The following PNLIP variants were observed in gnomAD, a reference collection of about 807,000 sequenced individuals.
PNLIP encodes the protein pancreatic lipase.
Under a neutral mutation model 57.1 loss-of-function variants are expected in PNLIP, and 49 were observed. The observed-to-expected ratio is 0.86, with a 90% CI of 0.68 to 1.09. The LOEUF (loss-of-function observed/expected upper bound fraction) is 1.09, where lower values mean the gene tolerates loss of function less well. Among genes scored for constraint, PNLIP ranks in the 50% least tolerant of loss-of-function variants. The probability of loss-of-function intolerance (pLI) is 0.00; values close to 1 mark genes in which losing one functional copy is unlikely to be tolerated. For synonymous variants in PNLIP, 209 were observed against 200.4 expected, an observed-to-expected ratio of 1.04 and a Z score of -0.36; for missense variants, 503 against 570.2, an observed-to-expected ratio of 0.88 and a Z score of 1.20.
At position 116,547,676 on chromosome 10, in the gene PNLIP, A is replaced by G. The variant is rs538589784; in HGVS notation, c.201+228A>G. ...GGGAGGCAGAGCTTGCAGTAAGCCGAGATCGCGCCACTGCACTCCAGCCTG... is the reference window on the plus strand; with the variant it reads ...GGGAGGCAGAGCTTGCAGTAAGCCGGGATCGCGCCACTGCACTCCAGCCTG... On this transcript the variant is annotated intron_variant, in intron 3 of 12. Coordinates refer to ENST00000369221, the MANE Select transcript of PNLIP (RefSeq NM_000936.4). Among the ~76,000 whole-genome samples, 9 of 146,826 alleles carry G rather than the reference A, an allele frequency of 6.1e-5. No individual in the cohort carries two copies. In the East Asian group the frequency reaches 1.9e-3, roughly 31 times the overall value.
intron 3 of PNLIP, among the ~76,000 whole-genome samples, 190 bp from the exon 4 acceptor site, chr10:116,548,170 C>G (rs1460495188): frequency 6.6e-6 from 1 of 151,862 alleles, no homozygotes; most frequent in Non-Finnish European, 1.5e-5. Flanking sequence ...TGAACAATGG[C>G]AAACATGTTG....
At chr10:116,547,525 G>A in intron 3 of PNLIP, 77 bp downstream of exon 3, 7 of 1,175,842 alleles carry the variant, frequency 6.0e-6, no homozygotes, top group Non-Finnish European at 8.5e-6. Flanking sequence ...AGGAGATCGA[G>A]ACCATGCTGG....
chr10:116,550,940 A>C (rs181392417), intron 4 of PNLIP, among the ~76,000 whole-genome samples, 158 bp from the exon 5 acceptor site: 45 of 152,354 alleles, frequency 3.0e-4, no homozygotes, highest in African/African-American at 1.0e-3. Context: ...AGCAGAGATT[A>C]TATATCTATA....
At chr10:116,554,524 T>A (rs1847231478) in intron 6 of PNLIP, among the ~76,000 whole-genome samples, 1 of 152,174 alleles carries the variant, frequency 6.6e-6, no homozygotes, top group Non-Finnish European at 1.5e-5. Flanking sequence ...ATACCCAGGT[T>A]CTAAAACCTC....
chr10:116,559,958 T>C (rs1847295298), intron 10 of PNLIP, among the ~76,000 whole-genome samples: 1 of 152,138 alleles, frequency 6.6e-6, no homozygotes, highest in Admixed American at 6.5e-5. Flanking sequence ...AAAAGTTGAA[T>C]TATAGAATTT....
intron 12 of PNLIP, among the ~76,000 whole-genome samples, chr10:116,564,218 T>G (rs2133209355): frequency 6.6e-6 from 1 of 152,264 alleles, no homozygotes; most frequent in East Asian, 1.9e-4. Flanking sequence ...CTAATAAAAC[T>G]TCACTTGTTC....
intron 12 of PNLIP, among the ~76,000 whole-genome samples, chr10:116,566,507 GTGTGTGT>G (rs2133211025): frequency 6.6e-6 from 1 of 152,286 alleles, no homozygotes; most frequent in Admixed American, 6.5e-5. Flanking sequence ...TCAGAGGTGT[GTGTGTGT>G]TGTGTGTGTG....
chr10:116,554,091 A>G (rs1197524698), intron 6 of PNLIP, among the ~76,000 whole-genome samples: 1 of 152,210 alleles, frequency 6.6e-6, no homozygotes, highest in Non-Finnish European at 1.5e-5. Context: ...ATGATCAGAA[A>G]TCGCTGTTCT....
intron 10 of PNLIP, among the ~76,000 whole-genome samples, chr10:116,559,946 T>G (rs1457279640): frequency 6.6e-6 from 1 of 152,110 alleles, no homozygotes; most frequent in Non-Finnish European, 1.5e-5. Context: ...CCAAAGGCAA[T>G]GAAAAGTTGA....
chr10:116,563,546 C>A (rs944190947), intron 12 of PNLIP, among the ~76,000 whole-genome samples: 1 of 152,138 alleles, frequency 6.6e-6, no homozygotes, highest in Non-Finnish European at 1.5e-5. Context: ...TCGCCCCTCC[C>A]ACTCTTCTCC....
chr10:116,550,685 C>G (rs1847181469), intron 4 of PNLIP, among the ~76,000 whole-genome samples: 1 of 152,238 alleles, frequency 6.6e-6, no homozygotes, highest in Non-Finnish European at 1.5e-5. Flanking sequence ...GTACCAGAAT[C>G]TGTTCTGGAC....
At chr10:116,558,232 C>T (rs774016079) in intron 9 of PNLIP, among the ~76,000 whole-genome samples, 4 of 141,244 alleles carry the variant, frequency 2.8e-5, no homozygotes, top group Non-Finnish European at 6.0e-5. Flanking sequence ...GAGTCTCGCT[C>T]TGTCACCCAG....
Position 116,548,389 on chromosome 10 carries a change from T to C in PNLIP, c.231T>C (p.Ser77=). 6.2e-7 allele frequency: 1 copy of C among 1,614,072 alleles called. No individual in the cohort carries two copies. ...TTGCCGCAGATTCATCAAGCATCAG[T>C]GGCTCCAATTTCAAAACAAATAGAA... is the stretch of plus-strand genomic sequence containing the variant. The part of the protein sequence containing the change: ...QEVAADSSSI[S]GSNFKTNRKT... Residue 77 remains serine (S), a synonymous_variant, in exon 4 of 13, where the codon AGT becomes AGC. Transcript: ENST00000369221.
intron 12 of PNLIP, 22 bp downstream of exon 12, chr10:116,561,658 A>G (rs1847317033): frequency 1.3e-6 from 2 of 1,593,902 alleles, no homozygotes; most frequent in Admixed American, 1.7e-5. Flanking sequence ...AAATCCCAGG[A>G]GATGTGAAAT....
At chr10:116,548,890 C>G (rs1369894343) in intron 4 of PNLIP, among the ~76,000 whole-genome samples, 1 of 152,196 alleles carries the variant, frequency 6.6e-6, no homozygotes, top group African/African-American at 2.4e-5. Context: ...ACTTGCTACT[C>G]TCGGATCTCC....
chr10:116,567,554 C>A (rs1371841053), intron 12 of PNLIP, among the ~76,000 whole-genome samples, 181 bp from the exon 13 acceptor site: 1 of 152,186 alleles, frequency 6.6e-6, no homozygotes, highest in African/African-American at 2.4e-5. Context: ...GAAAATAACA[C>A]TGGAAAGGAG....
rs1347909781 is a variant in PNLIP at position 116,548,588 on chromosome 10, G to A, written c.324+106G>A. The stretch of plus-strand genomic sequence containing the variant: ...GAGGACAGTGCTTGGAGGTCTTGGA[G>A]GATATTCAGACCCCTGCTGGGCCTG... On this transcript the variant is annotated intron_variant, in intron 4 of 12. Transcript: ENST00000369221. 12 of 1,260,102 alleles carry A rather than the reference G, an allele frequency of 9.5e-6. No individual in the cohort carries two copies. In the East Asian group the frequency reaches 2.9e-4, roughly 30 times the overall value. 78.1% of individuals were successfully genotyped at this position (1,260,102 alleles called of 1,614,324 possible).
chr10:116,559,887 G>T (rs1342966788), intron 10 of PNLIP, among the ~76,000 whole-genome samples: 2 of 151,910 alleles, frequency 1.3e-5, no homozygotes, highest in African/African-American at 4.8e-5. Context: ...GCAAACTATT[G>T]GCTAGCACCA....
In PNLIP at chr10:116,555,272, T is replaced by A; in HGVS notation, c.666T>A (p.Asp222Glu). ...DAKFVDVIHT[D>E]GAPIVPNLGF... ...AATTTGTGGATGTAATTCACACGGA[T>A]GGTGCCCCCATAGTCCCCAATTTGG... Residue 222 changes from aspartate to glutamate, a missense_variant, in exon 7 of 13, where the codon GAT becomes GAA. Coordinates refer to ENST00000369221, the MANE Select transcript of PNLIP (RefSeq NM_000936.4). 6.2e-7 allele frequency: 1 copy of A among 1,614,192 alleles called. No individual in the cohort carries two copies. Among genetic ancestry groups the A allele is most frequent in the Non-Finnish European group, 8.5e-7 (1 of 1,180,032 alleles).
Sources: gnomAD v4.1 joint callset for allele counts (sites outside exome capture counted in the v4.1 genomes callset) on GRCh38, gnomAD v4.1.1 for gene constraint, MANE v1.5 for transcripts, NCBI Gene and HGNC (gene_info 2026-07-23, HGNC 2026-07-21) for gene names.